Variants in ROR2 observed in about 807,000 individuals in gnomAD.
ROR2 encodes the protein ROR family WNT receptor 2, also known as tyrosine-protein kinase transmembrane receptor ROR2.
Under a neutral mutation model 74.9 loss-of-function variants are expected in ROR2, and 33 were observed. That is an observed-to-expected ratio of 0.44 (90% CI 0.33 to 0.59). The LOEUF (loss-of-function observed/expected upper bound fraction) is 0.59. Ranked by LOEUF, ROR2 falls within the 20% of genes least tolerant of loss-of-function variation. The probability of loss-of-function intolerance (pLI) is 0.02; values close to 1 mark genes in which losing one functional copy is unlikely to be tolerated. For synonymous variants in ROR2, 586 were observed against 558.7 expected (o/e 1.05, Z -0.69); for missense variants, 1,216 against 1,313.8 (o/e 0.93, Z 1.15).
At chr9:91,872,092 A>G (rs550660928) in intron 1 of ROR2, among the ~76,000 whole-genome samples, 2 of 152,194 alleles carry the variant, frequency 1.3e-5, no homozygotes, top group South Asian at 4.1e-4. Flanking sequence ...GATAACAAAA[A>G]CAGATCTGTG....
At chr9:91,807,206 C>G (rs899381718) in intron 1 of ROR2, among the ~76,000 whole-genome samples, 2 of 152,158 alleles carry the variant, frequency 1.3e-5, no homozygotes, top group African/African-American at 2.4e-5. Flanking sequence ...TGGTTGTCCA[C>G]GCTGCAGCCT....
At chr9:91,852,921 G>A (rs1020473835) in intron 1 of ROR2, among the ~76,000 whole-genome samples, 1 of 152,208 alleles carries the variant, frequency 6.6e-6, no homozygotes, top group Non-Finnish European at 1.5e-5. Flanking sequence ...CACTGGACAC[G>A]GCTGCCCCTC....
chr9:91,891,107 CA>C (rs1242117594), intron 1 of ROR2, among the ~76,000 whole-genome samples: 1 of 152,180 alleles, frequency 6.6e-6, no homozygotes, highest in Non-Finnish European at 1.5e-5. Flanking sequence ...TGTTACATAA[CA>C]AATTGCCTCA....
At chr9:91,792,124 G>A (rs181801807) in intron 1 of ROR2, among the ~76,000 whole-genome samples, 47 of 152,202 alleles carry the variant, frequency 3.1e-4, no homozygotes, top group Non-Finnish European at 6.0e-4. Flanking sequence ...TAAATTTTCA[G>A]TCTACTTTTT....
intron 1 of ROR2, among the ~76,000 whole-genome samples, chr9:91,824,739 G>C (rs528552776): frequency 6.6e-6 from 1 of 152,162 alleles, no homozygotes; most frequent in Non-Finnish European, 1.5e-5. Context: ...ACAGGGCATC[G>C]GGGTGGGACA....
At chr9:91,911,943 A>C (rs1830996245) in intron 1 of ROR2, among the ~76,000 whole-genome samples, 1 of 151,604 alleles carries the variant, frequency 6.6e-6, no homozygotes, top group Non-Finnish European at 1.5e-5. Context: ...CAAAAAAAAA[A>C]AAAAAAAAAA....
chr9:91,940,974 T>C (rs1384935700), intron 1 of ROR2, among the ~76,000 whole-genome samples: 1 of 151,552 alleles, frequency 6.6e-6, no homozygotes, highest in Non-Finnish European at 1.5e-5. Flanking sequence ...CATCCATTGT[T>C]AGAATTTAAC....
intron 1 of ROR2, among the ~76,000 whole-genome samples, chr9:91,781,494 T>C (rs1826618807): frequency 6.6e-6 from 1 of 152,156 alleles, no homozygotes; most frequent in Non-Finnish European, 1.5e-5. Context: ...CCCGAAAGGG[T>C]AAGGCCATTA....
intron 1 of ROR2, among the ~76,000 whole-genome samples, chr9:91,811,431 C>T (rs772407178): frequency 2.0e-5 from 3 of 152,232 alleles, no homozygotes; most frequent in East Asian, 3.8e-4. Context: ...GAGGAAGGGG[C>T]TGTGTTAATC....
At chr9:91,851,802 C>G (rs1829102485) in intron 1 of ROR2, among the ~76,000 whole-genome samples, 1 of 152,038 alleles carries the variant, frequency 6.6e-6, no homozygotes, top group South Asian at 2.1e-4. Flanking sequence ...GAGCGAAACC[C>G]TGTCTCTACT....
intron 1 of ROR2, among the ~76,000 whole-genome samples, chr9:91,881,348 G>A (rs1165184362): frequency 1.3e-5 from 2 of 152,196 alleles, no homozygotes; most frequent in African/African-American, 4.8e-5. Flanking sequence ...CTAGTACAAT[G>A]AGTCCTATGT....
chr9:91,931,993 T>G (rs1319510755), intron 1 of ROR2, among the ~76,000 whole-genome samples: 1 of 152,110 alleles, frequency 6.6e-6, no homozygotes, highest in African/African-American at 2.4e-5. Flanking sequence ...CTATGGTAAT[T>G]AAAAGTGAGA....
Position 91,757,267 on chromosome 9 carries a change from C to A in ROR2, c.463+5G>T, listed in dbSNP as rs752233564. On this transcript the variant is annotated splice_donor_5th_base_variant and intron_variant, in intron 3 of 8. Transcript: ENST00000375708. ...TAACCCACACAATTTCACTGTCCAA[C>A]TCACCCAGCCGCACAAACAGGACGC... 1 of 1,613,954 alleles carries A rather than the reference C, an allele frequency of 6.2e-7. No individual in the cohort carries two copies. Among genetic ancestry groups the A allele is most frequent in the Non-Finnish European group, 8.5e-7 (1 of 1,179,968 alleles).
At chr9:91,747,610 G>A (rs1825465648) in intron 4 of ROR2, among the ~76,000 whole-genome samples, 1 of 152,228 alleles carries the variant, frequency 6.6e-6, no homozygotes, top group South Asian at 2.1e-4. Context: ...TATAGAAGTG[G>A]CCCAAAAGAG....
intron 1 of ROR2, among the ~76,000 whole-genome samples, chr9:91,891,539 G>T (rs902108606): frequency 6.6e-6 from 1 of 152,190 alleles, no homozygotes; most frequent in Non-Finnish European, 1.5e-5. Context: ...AAAGTGCGGG[G>T]ATTACAGGCG....
At chr9:91,927,461 C>T (rs577461576) in intron 1 of ROR2, among the ~76,000 whole-genome samples, 23 of 152,206 alleles carry the variant, frequency 1.5e-4, no homozygotes, top group African/African-American at 5.5e-4. Context: ...GAAAAAAGTC[C>T]GAGGGCCACC....
chr9:91,775,936 A>G (rs949993164), intron 1 of ROR2, 118 bp from the exon 2 acceptor site: 3 of 804,400 alleles, frequency 3.7e-6, no homozygotes, highest in Admixed American at 2.0e-5. Context: ...TGTAGAAAAC[A>G]CAGAGGGATA....
chr9:91,861,345 C>G (rs559526791), intron 1 of ROR2, among the ~76,000 whole-genome samples: 19 of 152,198 alleles, frequency 1.2e-4, no homozygotes, highest in African/African-American at 4.6e-4. Context: ...ATAAAAGGAA[C>G]TAAGTTGGAG....
chr9:91,843,513 G>A (rs1292454729), intron 1 of ROR2, among the ~76,000 whole-genome samples: 2 of 152,208 alleles, frequency 1.3e-5, no homozygotes, highest in South Asian at 2.1e-4. Flanking sequence ...AGAGGCGCAG[G>A]TGGGGAGTAG....
Sources: gnomAD v4.1 joint callset for allele counts (sites outside exome capture counted in the v4.1 genomes callset) on GRCh38, gnomAD v4.1.1 for gene constraint, MANE v1.5 for transcripts, NCBI Gene and HGNC (gene_info 2026-07-23, HGNC 2026-07-21) for gene names.